AGTPBP1: variants seen among roughly 807,000 people sequenced by gnomAD.
AGTPBP1 encodes the protein ATP/GTP binding carboxypeptidase 1.
AGTPBP1 carries 70 observed loss-of-function variants against 143.9 expected under a neutral mutation model. That is an observed-to-expected ratio of 0.49 (90% confidence interval 0.40 to 0.59). The LOEUF is 0.59. Among genes scored for constraint, AGTPBP1 ranks in the 20% least tolerant of loss-of-function variants. AGTPBP1 has a pLI of 0.00. For synonymous variants in AGTPBP1, 463 were observed against 500.2 expected (o/e 0.93, Z 0.99); for missense variants, 1,229 against 1,464.5 (o/e 0.84, Z 2.62).
At chr9:85,598,670 T>C (rs1237444949) in intron 17 of AGTPBP1, among the ~76,000 whole-genome samples, 1 of 152,240 alleles carries the variant, frequency 6.6e-6, no homozygotes, top group African/African-American at 2.4e-5. Context: ...TCTGTCTTTA[T>C]GCAAGTCAGT....
the AGTPBP1 span, among the ~76,000 whole-genome samples, chr9:85,780,158 G>T: frequency 1.3e-5 from 2 of 151,866 alleles, no homozygotes; most frequent in African/African-American, 4.8e-5. Context: ...CAGTAGGGGA[G>T]AGTAGGTCTG....
the AGTPBP1 span, among the ~76,000 whole-genome samples, chr9:85,796,786 T>TAA: frequency 6.6e-6 from 1 of 152,162 alleles, no homozygotes; most frequent in Non-Finnish European, 1.5e-5. Context: ...GCACAAAAAT[T>TAA]AATATTATTA....
chr9:85,757,212 A>G, the AGTPBP1 span, among the ~76,000 whole-genome samples: 14,991 of 152,106 alleles, frequency 0.099, 1,494 homozygotes, highest in East Asian at 0.56. Context: ...GACTACAGGC[A>G]CACACCACCA....
chr9:85,779,922 TCATG>T, the AGTPBP1 span, among the ~76,000 whole-genome samples: 2 of 152,158 alleles, frequency 1.3e-5, no homozygotes, highest in Non-Finnish European at 1.5e-5. Context: ...TGCTAACAAT[TCATG>T]CATTTTCTAA....
the AGTPBP1 span, among the ~76,000 whole-genome samples, chr9:85,752,550 T>C: frequency 6.6e-6 from 1 of 152,194 alleles, no homozygotes; most frequent in Non-Finnish European, 1.5e-5. Flanking sequence ...CGCTCAGTTT[T>C]GTTAGTAAAT....
chr9:85,630,157 T>C (rs1378433289), intron 14 of AGTPBP1, among the ~76,000 whole-genome samples: 1 of 152,150 alleles, frequency 6.6e-6, no homozygotes, highest in African/African-American at 2.4e-5. Flanking sequence ...AAATATCAAG[T>C]TGCTGCCTGA....
chr9:85,605,010 C>A (rs185629733), intron 17 of AGTPBP1, among the ~76,000 whole-genome samples: 1 of 152,086 alleles, frequency 6.6e-6, no homozygotes, highest in South Asian at 2.1e-4. Context: ...CTCAAAAGTA[C>A]AAATTTAAGA....
chr9:85,562,174 T>C (rs1312001350), intron 25 of AGTPBP1, among the ~76,000 whole-genome samples: 1 of 144,792 alleles, frequency 6.9e-6, no homozygotes, highest in Non-Finnish European at 1.5e-5. Flanking sequence ...GTTAAGAGAA[T>C]AAAACCAATA....
At chr9:85,687,783 T>C (rs1463783069) in intron 3 of AGTPBP1, among the ~76,000 whole-genome samples, 3 of 152,074 alleles carry the variant, frequency 2.0e-5, no homozygotes, top group Non-Finnish European at 4.4e-5. Context: ...ATAAATAATC[T>C]AGGCTTCCAC....
At position 85,719,974 on chromosome 9, in the gene AGTPBP1, C is replaced by T. The variant is rs1253154181; in HGVS notation, c.-33-7408G>A. Among the ~76,000 whole-genome samples, 7 of 152,196 alleles carry T rather than the reference C, an allele frequency of 4.6e-5. No individual in the cohort carries two copies. In the South Asian group the frequency reaches 6.2e-4, roughly 14 times the overall value. On this transcript the variant is annotated intron_variant, in intron 1 of 25. Coordinates refer to ENST00000357081, the MANE Select transcript of AGTPBP1 (RefSeq NM_001330701.2). ...GTGATGGATTATGTTTATTGATTTG[C>T]GTATGTTGAACCAGCCTTGCATCCC...
the AGTPBP1 span, among the ~76,000 whole-genome samples, chr9:85,779,325 CT>C: frequency 2.6e-5 from 4 of 151,366 alleles, no homozygotes; most frequent in South Asian, 8.3e-4. Flanking sequence ...TTATTATTAA[CT>C]TACACAATCA....
At chr9:85,681,227 G>A (rs1197528637) in intron 4 of AGTPBP1, 41 bp downstream of exon 4, 1 of 1,564,476 alleles carries the variant, frequency 6.4e-7, no homozygotes, top group Non-Finnish European at 8.8e-7. Context: ...AGTATTGCTT[G>A]GCATTAGTAG....
intron 13 of AGTPBP1, among the ~76,000 whole-genome samples, chr9:85,635,542 TTAAAA>T (rs1831982501): frequency 1.3e-5 from 2 of 152,296 alleles, no homozygotes; most frequent in South Asian, 4.1e-4. Flanking sequence ...GTTACATATA[TTAAAA>T]TATTTTAAGT....
the AGTPBP1 span, among the ~76,000 whole-genome samples, chr9:85,798,931 G>A: frequency 3.9e-5 from 6 of 152,228 alleles, no homozygotes; most frequent in East Asian, 9.6e-4. Flanking sequence ...CATGTGCCAT[G>A]TTGGTTTGCT....
chr9:85,616,876 C>G lies in AGTPBP1; in HGVS notation c.2335+2107G>C, dbSNP rs1172763121. Among the ~76,000 whole-genome samples, 6 of 151,932 alleles carry G rather than the reference C, an allele frequency of 3.9e-5. No homozygotes were observed. The South Asian group carries it at 1.0e-3, about 26-fold the overall frequency. On this transcript the variant is annotated intron_variant, in intron 17 of 25. Transcript: ENST00000357081. ...TTGACTGCATCAAGAATATTCCTAT[C>G]ACTATTCACATAAATCAATATACTT...
At chr9:85,657,862 T>C (rs886113293) in intron 9 of AGTPBP1, among the ~76,000 whole-genome samples, 8 of 152,174 alleles carry the variant, frequency 5.3e-5, no homozygotes, top group African/African-American at 1.7e-4. Flanking sequence ...TGTGTAATGT[T>C]TCACGATTTA....
intron 24 of AGTPBP1, among the ~76,000 whole-genome samples, chr9:85,576,335 T>C (rs1394706655): frequency 6.6e-6 from 1 of 152,188 alleles, no homozygotes; most frequent in Non-Finnish European, 1.5e-5. Context: ...TGCTTTTCAG[T>C]GACCAGACTA....
intron 23 of AGTPBP1, among the ~76,000 whole-genome samples, chr9:85,584,089 ATC>A (rs1171139806): frequency 2.0e-5 from 3 of 152,074 alleles, no homozygotes; most frequent in Non-Finnish European, 4.4e-5. Context: ...TATGCTCTTC[ATC>A]TAGCTTTCTC....
At chr9:85,748,991 A>G in the AGTPBP1 span, among the ~76,000 whole-genome samples, 1 of 132,784 alleles carries the variant, frequency 7.5e-6, no homozygotes, top group Non-Finnish European at 1.6e-5. Flanking sequence ...CTTCTTATCT[A>G]GTGCACTTTT....
Sources: gnomAD v4.1 joint callset for allele counts (sites outside exome capture counted in the v4.1 genomes callset) on GRCh38, gnomAD v4.1.1 for gene constraint, MANE v1.5 for transcripts, NCBI Gene and HGNC (gene_info 2026-07-23, HGNC 2026-07-21) for gene names.